The following CAPN13 variants were observed in gnomAD, a reference collection of about 807,000 sequenced individuals.
The protein encoded by CAPN13 is calpain-13.
In CAPN13, 90 loss-of-function variants were observed where a neutral mutation model predicts 98.4. The ratio of observed to expected loss-of-function variants is 0.92; its 90% CI spans 0.77 to 1.09. CAPN13 has a LOEUF of 1.09. Ranked by LOEUF, CAPN13 falls within the 50% of genes least tolerant of loss-of-function variation. The pLI is 0.00. For synonymous variants in CAPN13, 330 were observed against 305.5 expected (o/e 1.08, Z -0.84); for missense variants, 887 against 841.3 (o/e 1.05, Z -0.67).
chr2:30,730,743 C>T lies in CAPN13; in HGVS notation c.*17G>A, dbSNP rs1373133686. On this transcript the variant is annotated 3_prime_UTR_variant, in exon 22 of 23. Coordinates refer to ENST00000295055, the MANE Select transcript of CAPN13 (RefSeq NM_144575.3). ...ACCATGTCTTACCTGAGCCATGGGT[C>T]TGCTTTCCTCTTTGCTTCAGTTGTA... 1.3e-6 allele frequency: 1 copy of T among 780,878 alleles called. No homozygotes were observed. The highest frequency in any genetic ancestry group is 1.7e-5 in the African/African-American group (1 of 59,252). The allele number at this position is 780,878 out of a possible 1,614,324, so 48.4% of individuals were successfully genotyped here. A position where few individuals can be genotyped will look rare whatever the true frequency, so the allele number is the denominator to read the frequency against.
At chr2:30,790,918 C>A (rs776164276) in intron 1 of CAPN13, among the ~76,000 whole-genome samples, 1 of 152,090 alleles carries the variant, frequency 6.6e-6, no homozygotes, top group South Asian at 2.1e-4. Context: ...TCTTATAAGA[C>A]CACAGTTCTA....
chr2:30,785,015 A>C (rs1674194715), intron 2 of CAPN13, among the ~76,000 whole-genome samples: 1 of 152,188 alleles, frequency 6.6e-6, no homozygotes, highest in Non-Finnish European at 1.5e-5. Flanking sequence ...AGGGGTGAGT[A>C]CATTGGCTTT....
intron 1 of CAPN13, among the ~76,000 whole-genome samples, chr2:30,806,578 A>C (rs985839607): frequency 9.2e-5 from 14 of 152,202 alleles, no homozygotes; most frequent in Non-Finnish European, 1.8e-4. Context: ...TCATGACCCA[A>C]CTGTAACTAT....
At chr2:30,801,200 C>T (rs1311859021) in intron 1 of CAPN13, among the ~76,000 whole-genome samples, 2 of 152,124 alleles carry the variant, frequency 1.3e-5, no homozygotes, top group Non-Finnish European at 2.9e-5. Flanking sequence ...GGTCTTTTTC[C>T]TTTCTTATTT....
intron 11 of CAPN13, among the ~76,000 whole-genome samples, chr2:30,749,187 G>T (rs938107985): frequency 3.9e-5 from 6 of 152,166 alleles, no homozygotes; most frequent in Non-Finnish European, 8.8e-5. Context: ...CTGAATATCT[G>T]AAATGCAAAT....
intron 7 of CAPN13, among the ~76,000 whole-genome samples, chr2:30,758,932 TC>T (rs1672637906): frequency 1.4e-5 from 2 of 141,244 alleles, no homozygotes; most frequent in African/African-American, 5.3e-5. Flanking sequence ...TCCTTCCTTT[TC>T]CTCCCTCCCT....
intron 2 of CAPN13, among the ~76,000 whole-genome samples, chr2:30,778,891 C>T (rs147321616): frequency 0.02 from 2,996 of 152,326 alleles, 41 homozygotes; most frequent in Middle Eastern, 0.054. Flanking sequence ...GTGGGCAGAA[C>T]TTTGGCATTT....
chr2:30,778,389 T>C (rs1215412623), intron 2 of CAPN13, among the ~76,000 whole-genome samples: 2 of 152,132 alleles, frequency 1.3e-5, no homozygotes, highest in African/African-American at 4.8e-5. Flanking sequence ...CCCAGGCACT[T>C]TGGGAGAACA....
chr2:30,774,129 AT>A (rs1673554529), intron 4 of CAPN13, among the ~76,000 whole-genome samples: 1 of 152,156 alleles, frequency 6.6e-6, no homozygotes, highest in South Asian at 2.1e-4. Context: ...CTAAAAATGT[AT>A]TATCTTAAAA....
intron 2 of CAPN13, among the ~76,000 whole-genome samples, chr2:30,781,602 G>A (rs576094574): frequency 6.6e-6 from 1 of 152,228 alleles, no homozygotes; most frequent in South Asian, 2.1e-4. Context: ...CTGACTCCTT[G>A]AGCTGAGACA....
At chr2:30,795,980 A>G (rs1288825921) in intron 1 of CAPN13, among the ~76,000 whole-genome samples, 1 of 151,760 alleles carries the variant, frequency 6.6e-6, no homozygotes, top group Admixed American at 6.6e-5. Context: ...AATCTGAAAT[A>G]GACTTGCAGA....
At chr2:30,793,253 A>G in intron 1 of CAPN13, among the ~76,000 whole-genome samples, 1 of 151,804 alleles carries the variant, frequency 6.6e-6, no homozygotes, top group Non-Finnish European at 1.5e-5. Context: ...TAGAACTAAT[A>G]CTTAAATTTA....
At chr2:30,797,506 G>A (rs985863807) in intron 1 of CAPN13, among the ~76,000 whole-genome samples, 2 of 152,186 alleles carry the variant, frequency 1.3e-5, no homozygotes, top group Non-Finnish European at 2.9e-5. Flanking sequence ...GGAGGTGGAG[G>A]TAATAAAACC....
At chr2:30,773,743 T>C (rs1272735473) in intron 4 of CAPN13, among the ~76,000 whole-genome samples, 1 of 152,054 alleles carries the variant, frequency 6.6e-6, no homozygotes, top group African/African-American at 2.4e-5. Context: ...CTCCAAACAA[T>C]AACTATGGGA....
In CAPN13 at chr2:30,738,459, T is replaced by C; in HGVS notation, c.1537-2A>G. ...CTGGGTGGCATCAATGTCCAGCCTC[T>C]GATCCAAACAAGGAAGGAATGCAGG... On this transcript the variant is annotated splice_acceptor_variant, in intron 15 of 22. Transcript: ENST00000295055. LOFTEE classifies it high-confidence loss of function. The C allele has an allele frequency of 6.2e-7, 1 of 1,602,112 alleles. No individual in the cohort carries two copies. The highest frequency in any genetic ancestry group is 8.5e-7 in the Non-Finnish European group (1 of 1,174,028).
chr2:30,723,600 G>A (rs1670763498), intron 22 of CAPN13, among the ~76,000 whole-genome samples: 1 of 152,186 alleles, frequency 6.6e-6, no homozygotes, highest in Non-Finnish European at 1.5e-5. Flanking sequence ...AAGGGCTGAG[G>A]CCAGGGGCTG....
At chr2:30,747,042 T>C (rs1025230160) in intron 11 of CAPN13, among the ~76,000 whole-genome samples, 1 of 152,160 alleles carries the variant, frequency 6.6e-6, no homozygotes, top group Non-Finnish European at 1.5e-5. Flanking sequence ...CCACTGTAAA[T>C]AGATGGGAAT....
rs1488044944 is a variant in CAPN13, at chr2:30,738,245, G to A, written c.1643C>T (p.Ala548Val). 1.9e-6 allele frequency: 3 copies of A among 1,613,988 alleles called. No individual in the cohort carries two copies. The highest frequency in any genetic ancestry group is 2.5e-6 in the Non-Finnish European group (3 of 1,179,882). ...FSLDECRSLV[A>V]LMELKVNGRL... is the part of the protein sequence containing the mutation. Reference sequence around the variant, plus strand: ...GACCGCAAAGGATACTTCCATCAGAGCCACCAAGCTGCGGCACTCATCTAA... The same window carrying A: ...GACCGCAAAGGATACTTCCATCAGAACCACCAAGCTGCGGCACTCATCTAA... Residue 548 changes from alanine (A) to valine (V), a missense_variant, in exon 17 of 23, where the codon GCT (alanine) becomes GTT (valine). Coordinates refer to ENST00000295055, the MANE Select transcript of CAPN13 (RefSeq NM_144575.3).
chr2:30,792,664 C>T (rs1415842158), intron 1 of CAPN13, among the ~76,000 whole-genome samples: 1 of 151,894 alleles, frequency 6.6e-6, no homozygotes, highest in Non-Finnish European at 1.5e-5. Context: ...ACGTGAACTT[C>T]CTCAAAAAAT....
Sources: gnomAD v4.1 joint callset for allele counts (sites outside exome capture counted in the v4.1 genomes callset) on GRCh38, gnomAD v4.1.1 for gene constraint, MANE v1.5 for transcripts, NCBI Gene and HGNC (gene_info 2026-07-23, HGNC 2026-07-21) for gene names.